Variants in TMEM17 observed in about 807,000 individuals in gnomAD.
TMEM17 encodes transmembrane protein 17.
In TMEM17, 15 loss-of-function variants were observed where a neutral mutation model predicts 19.1. The observed-to-expected ratio is 0.78, with a 90% CI of 0.52 to 1.21. The LOEUF is 1.21. Ranked by LOEUF, TMEM17 falls within the 50% of genes most tolerant of loss-of-function variation. The pLI is 0.00. For synonymous variants in TMEM17, 103 were observed against 86.9 expected, an observed-to-expected ratio of 1.19 and a Z score of -1.03; for missense variants, 245 against 242.3, an observed-to-expected ratio of 1.01 and a Z score of -0.07.
the TMEM17 span, among the ~76,000 whole-genome samples, chr2:62,464,398 T>C: frequency 0.037 from 5,577 of 152,302 alleles, 165 homozygotes; most frequent in South Asian, 0.15. Context: ...TTCACTTGTG[T>C]GCTACCTCCT....
chr2:62,492,248 C>T, the TMEM17 span, among the ~76,000 whole-genome samples: 7 of 152,228 alleles, frequency 4.6e-5, no homozygotes, highest in Non-Finnish European at 1.0e-4. Context: ...CTTCTGTTTA[C>T]TTGCTGTGTG....
the TMEM17 span, among the ~76,000 whole-genome samples, chr2:62,480,220 A>G: frequency 6.6e-6 from 1 of 152,090 alleles, no homozygotes; most frequent in Non-Finnish European, 1.5e-5. Context: ...TCTTCTTTTG[A>G]GAAATGTCTA....
rs995665685 is a variant in TMEM17, at chr2:62,500,400, A to C, written c.*809T>G. ...GTATAACAGCTAATATTAGGGTTAG[A>C]ATTTAACCCTAGCAGACATGAAAAT... On this transcript the variant is annotated 3_prime_UTR_variant, in exon 4 of 4. Transcript: ENST00000335390. 6.6e-6 allele frequency: 1 copy of C among 152,112 alleles called. No homozygotes were observed. The highest frequency in any genetic ancestry group is 2.4e-5 in the African/African-American group (1 of 41,414). The allele number at this position is 152,112 out of a possible 1,614,324, so 9.4% of individuals were successfully genotyped here. A position where few individuals can be genotyped will look rare whatever the true frequency, so the allele number is the denominator to read the frequency against.
At chr2:62,482,296 G>T in the TMEM17 span, among the ~76,000 whole-genome samples, 1 of 152,136 alleles carries the variant, frequency 6.6e-6, no homozygotes, top group East Asian at 1.9e-4. Flanking sequence ...GTAAATTATT[G>T]TTCTGCAAAA....
At chr2:62,503,857 T>G (rs1215764806) in intron 1 of TMEM17, among the ~76,000 whole-genome samples, 1 of 152,260 alleles carries the variant, frequency 6.6e-6, no homozygotes, top group East Asian at 1.9e-4. Context: ...AGCATAGCCA[T>G]TTGTGATACA....
chr2:62,490,902 C>A, the TMEM17 span, among the ~76,000 whole-genome samples: 5 of 151,842 alleles, frequency 3.3e-5, no homozygotes, highest in Non-Finnish European at 5.9e-5. Flanking sequence ...CATGGTGAGA[C>A]CCTGTCTCTA....
chr2:62,482,266 A>C, the TMEM17 span, among the ~76,000 whole-genome samples: 1 of 152,244 alleles, frequency 6.6e-6, no homozygotes, highest in Non-Finnish European at 1.5e-5. Context: ...AAGCCACCAC[A>C]TGTCCTAAAC....
At chr2:62,504,008 C>T (rs1369062635) in intron 1 of TMEM17, among the ~76,000 whole-genome samples, 1 of 152,134 alleles carries the variant, frequency 6.6e-6, no homozygotes, top group African/African-American at 2.4e-5. Flanking sequence ...TAAGAGCAGA[C>T]ACATATATTG....
rs1680058220 is a variant in TMEM17 at position 62,505,920 on chromosome 2, T to C, written c.100+110A>G. The C allele has an allele frequency of 3.7e-6, 4 of 1,071,274 alleles. No homozygotes were observed. The African/African-American group carries it at 6.5e-5, about 17-fold the overall frequency. 66.4% of individuals were successfully genotyped at this position (1,071,274 alleles called of 1,614,324 possible). Reference sequence around the variant, plus strand: ...GGCGCTCTCCCGCACTGCGGAGAACTGGCTGAAGGCGACATCGCCATTTTA... The same window carrying C: ...GGCGCTCTCCCGCACTGCGGAGAACCGGCTGAAGGCGACATCGCCATTTTA... On this transcript the variant is annotated intron_variant, in intron 1 of 3. Transcript: ENST00000335390.
At chr2:62,484,675 A>G in the TMEM17 span, among the ~76,000 whole-genome samples, 3 of 152,226 alleles carry the variant, frequency 2.0e-5, no homozygotes, top group South Asian at 2.1e-4. Flanking sequence ...GTGGCCCACT[A>G]AGACCCTTTA....
At chr2:62,471,722 G>A in the TMEM17 span, among the ~76,000 whole-genome samples, 1 of 152,254 alleles carries the variant, frequency 6.6e-6, no homozygotes, top group African/African-American at 2.4e-5. Flanking sequence ...TAGGAGAAGG[G>A]AGGGCCTTTT....
intron 2 of TMEM17, 59 bp downstream of exon 2, chr2:62,502,632 G>T: frequency 1.4e-6 from 2 of 1,465,516 alleles, no homozygotes; most frequent in South Asian, 1.3e-5. Flanking sequence ...TTAAGAACTT[G>T]AATTTTATTG....
intron 1 of TMEM17, among the ~76,000 whole-genome samples, chr2:62,503,214 A>G (rs1201907192): frequency 1.3e-5 from 2 of 152,188 alleles, no homozygotes; most frequent in Non-Finnish European, 2.9e-5. Context: ...TTATACAAAA[A>G]CGGATTACCA....
At chr2:62,468,254 G>A in the TMEM17 span, among the ~76,000 whole-genome samples, 1 of 152,188 alleles carries the variant, frequency 6.6e-6, no homozygotes, top group Non-Finnish European at 1.5e-5. Context: ...TTGGCCCAGG[G>A]CTGAGCAAAG....
the TMEM17 span, among the ~76,000 whole-genome samples, chr2:62,465,053 T>G: frequency 6.6e-6 from 1 of 152,210 alleles, no homozygotes; most frequent in Admixed American, 6.5e-5. Flanking sequence ...TTTGGCTAAT[T>G]TGTTAGTCCT....
rs1196533580 is a variant in TMEM17 at position 62,501,009 on chromosome 2, A to C, written c.*200T>G. ...AATTAAGAAATTTGGCATCAGGTGG[A>C]CAACATCTAGGTTTTAGGGTTAATA... On this transcript the variant is annotated 3_prime_UTR_variant, in exon 4 of 4. Transcript: ENST00000335390. 2.2e-6 allele frequency: 1 copy of C among 458,160 alleles called. No individual in the cohort carries two copies. The highest frequency in any genetic ancestry group is 3.5e-5 in the East Asian group (1 of 28,892). The allele number at this position is 458,160 out of a possible 1,614,324, so 28.4% of individuals were successfully genotyped here.
At chr2:62,479,297 A>G in the TMEM17 span, among the ~76,000 whole-genome samples, 106 of 152,184 alleles carry the variant, frequency 7.0e-4, 1 homozygote, top group Non-Finnish European at 8.8e-4. Context: ...TTAGCTTCCA[A>G]TATGAAGGGG....
chr2:62,482,684 G>C, the TMEM17 span, among the ~76,000 whole-genome samples: 3 of 152,168 alleles, frequency 2.0e-5, no homozygotes, highest in Non-Finnish European at 4.4e-5. Flanking sequence ...CTTGTCTCCT[G>C]AAAGTTGTGA....
chr2:62,454,595 T>C, the TMEM17 span, among the ~76,000 whole-genome samples: 1 of 152,188 alleles, frequency 6.6e-6, no homozygotes, highest in Non-Finnish European at 1.5e-5. Context: ...ATCTTTAAGG[T>C]CCCGCTCTTA....
Sources: allele counts gnomAD v4.1 joint callset (sites outside exome capture counted in the v4.1 genomes callset), GRCh38; gene constraint gnomAD v4.1.1; transcripts MANE v1.5; gene names NCBI Gene and HGNC (gene_info 2026-07-23, HGNC 2026-07-21).